Variants in NRG3 observed in about 807,000 individuals in gnomAD.
NRG3 encodes the protein neuregulin 3.
NRG3 carries 31 observed loss-of-function variants against 66.9 expected under a neutral mutation model. The observed-to-expected ratio is 0.46, with a 90% confidence interval of 0.35 to 0.63. NRG3 has a LOEUF of 0.63. Ranked by LOEUF, NRG3 falls within the 20% of genes least tolerant of loss-of-function variation. The pLI is 0.00. For synonymous variants in NRG3, 393 were observed against 359.4 expected (o/e 1.09, Z -1.06); for missense variants, 910 against 878.9 (o/e 1.04, Z -0.45).
chr10:82,815,677 G>A (rs768808201), intron 3 of NRG3, among the ~76,000 whole-genome samples: 3 of 152,038 alleles, frequency 2.0e-5, no homozygotes, highest in Non-Finnish European at 2.9e-5. Flanking sequence ...GTTCACAGAG[G>A]TTTCAGCTGG....
intron 1 of NRG3, among the ~76,000 whole-genome samples, chr10:81,997,318 T>C (rs1356309347): frequency 6.6e-6 from 1 of 152,216 alleles, no homozygotes; most frequent in Non-Finnish European, 1.5e-5. Flanking sequence ...GTGGGATTTC[T>C]GCCCTCCGTG....
At chr10:82,402,390 TG>T (rs1053753528) in intron 2 of NRG3, among the ~76,000 whole-genome samples, 1 of 152,048 alleles carries the variant, frequency 6.6e-6, no homozygotes, top group Non-Finnish European at 1.5e-5. Flanking sequence ...AGGTTGAGTT[TG>T]GGGGAAAAAA....
At chr10:82,515,830 C>G (rs1164546058) in intron 2 of NRG3, among the ~76,000 whole-genome samples, 1 of 152,176 alleles carries the variant, frequency 6.6e-6, no homozygotes, top group Non-Finnish European at 1.5e-5. Context: ...TCAGGGCCAA[C>G]TGTGCACCTT....
intron 1 of NRG3, among the ~76,000 whole-genome samples, chr10:82,202,496 CT>C (rs1441855546): frequency 6.6e-6 from 1 of 152,160 alleles, no homozygotes; most frequent in Non-Finnish European, 1.5e-5. Context: ...CTGTAGATAC[CT>C]TTTTACCTCC....
rs144066353 is a variant in NRG3 at position 82,144,392 on chromosome 10, C to G, written c.824-214347C>G. 5.9e-3 allele frequency among the ~76,000 whole-genome samples: 904 copies of G among 152,246 alleles called. 8 individuals carry two copies. Among genetic ancestry groups the G allele is most frequent in the African/African-American group, 0.02 (847 of 41,562 alleles). Reference sequence around the variant, plus strand: ...GCTCCTGCTCTCTCTTGTGCTCGCACGTCCCAGGAGTCCTGACCTGTGTAT... The same window carrying G: ...GCTCCTGCTCTCTCTTGTGCTCGCAGGTCCCAGGAGTCCTGACCTGTGTAT... On this transcript the variant is annotated intron_variant, in intron 1 of 8. Transcript: ENST00000372141.
intron 1 of NRG3, among the ~76,000 whole-genome samples, chr10:81,921,017 A>G (rs1846201977): frequency 6.6e-6 from 1 of 152,144 alleles, no homozygotes; most frequent in Non-Finnish European, 1.5e-5. Context: ...TTATGGTCAA[A>G]TGGTATTTAC....
intron 2 of NRG3, among the ~76,000 whole-genome samples, chr10:82,521,530 A>C (rs6584774): frequency 0.013 from 2,022 of 151,960 alleles, 45 homozygotes; most frequent in African/African-American, 0.046. Context: ...TTAGTAGAGA[A>C]GGGGTTTCAC....
rs1420707243 is a variant in NRG3, at chr10:81,875,958, G to A, written c.618G>A (p.Leu206=). ...CCCCGTTCTTCAGTAGCAGCACGCTGGGCTCCCGACCCCCGGTGCCAGGAA... is the reference window on the plus strand; with the variant it reads ...CCCCGTTCTTCAGTAGCAGCACGCTAGGCTCCCGACCCCCGGTGCCAGGAA... ...TTAPFFSSST[L]GSRPPVPGTP... Residue 206 remains leucine (L), a synonymous_variant, in exon 1 of 9, where the codon CTG becomes CTA. Transcript: ENST00000372141. The surrounding 1 kb of genome is among the most constrained non-coding windows in gnomAD (Gnocchi z 5.3). The A allele has an allele frequency of 6.2e-7, 1 of 1,613,750 alleles. No homozygotes were observed. Among genetic ancestry groups the A allele is most frequent in the Non-Finnish European group, 8.5e-7 (1 of 1,180,022 alleles).
chr10:82,239,576 T>A (rs755645519), intron 1 of NRG3, among the ~76,000 whole-genome samples: 1 of 152,232 alleles, frequency 6.6e-6, no homozygotes, highest in Non-Finnish European at 1.5e-5. Context: ...ATTAAGCATC[T>A]CTTTGTTTAC....
Position 82,950,185 on chromosome 10 carries a change from ATTGTTCT to A in NRG3, c.1055-1283_1055-1277del, listed in dbSNP as rs1270042574. The stretch of plus-strand genomic sequence containing the variant: ...TCCAGTGCATTACAATTTGAGAACT[ATTGTTCT>A]ATGTTAATGACACAGAGAGAGAATG... On this transcript the variant is annotated intron_variant, in intron 4 of 8. Coordinates refer to ENST00000372141, the MANE Select transcript of NRG3 (RefSeq NM_001010848.4). Among the ~76,000 whole-genome samples, 12 of 152,308 alleles carry A rather than the reference ATTGTTCT, an allele frequency of 7.9e-5. No homozygotes were observed. In the South Asian group the frequency reaches 1.2e-3, roughly 16 times the overall value.
chr10:82,044,339 C>T (rs1469110043), intron 1 of NRG3, among the ~76,000 whole-genome samples: 1 of 151,946 alleles, frequency 6.6e-6, no homozygotes, highest in Non-Finnish European at 1.5e-5. Flanking sequence ...GGACAGGATA[C>T]CCTTCCATCA....
chr10:82,772,901 C>T (rs1419859569), intron 3 of NRG3, among the ~76,000 whole-genome samples: 1 of 151,724 alleles, frequency 6.6e-6, no homozygotes, highest in Non-Finnish European at 1.5e-5. Context: ...GACAAGATCT[C>T]CCTATGTTGC....
At chr10:82,844,849 G>A (rs758890358) in intron 3 of NRG3, among the ~76,000 whole-genome samples, 81 of 152,162 alleles carry the variant, frequency 5.3e-4, no homozygotes, top group Non-Finnish European at 9.3e-4. Context: ...AAAAAAATAG[G>A]TTGGAAATTT....
At chr10:82,894,104 T>G (rs2131822259) in intron 4 of NRG3, among the ~76,000 whole-genome samples, 1 of 152,280 alleles carries the variant, frequency 6.6e-6, no homozygotes, top group Non-Finnish European at 1.5e-5. Flanking sequence ...ATCCCAAAAT[T>G]TATTTTAAAT....
chr10:81,976,140 G>C (rs996014520), intron 1 of NRG3, among the ~76,000 whole-genome samples: 6 of 152,116 alleles, frequency 3.9e-5, no homozygotes, highest in Non-Finnish European at 5.9e-5. Context: ...CCTTACATTA[G>C]TAATAGTAAA....
At chr10:82,104,056 A>T (rs1375563596) in intron 1 of NRG3, among the ~76,000 whole-genome samples, 1 of 151,944 alleles carries the variant, frequency 6.6e-6, no homozygotes, top group Non-Finnish European at 1.5e-5. Flanking sequence ...TAAGGAAATA[A>T]TTTAAAAAGT....
chr10:82,038,554 G>GT (rs1307390851), intron 1 of NRG3, among the ~76,000 whole-genome samples: 2 of 152,084 alleles, frequency 1.3e-5, no homozygotes, highest in African/African-American at 2.4e-5. Context: ...GTTTTGTTTT[G>GT]TTTTTTCTTC....
At chr10:82,189,958 G>A (rs944560481) in intron 1 of NRG3, among the ~76,000 whole-genome samples, 6 of 151,446 alleles carry the variant, frequency 4.0e-5, no homozygotes, top group South Asian at 4.2e-4. Context: ...GCGAGACCCC[G>A]CCTGAAAATA....
chr10:82,788,765 C>A (rs1243113844), intron 3 of NRG3, among the ~76,000 whole-genome samples: 1 of 151,538 alleles, frequency 6.6e-6, no homozygotes, highest in African/African-American at 2.4e-5. Context: ...AATGTTAATA[C>A]TCTGTCTCAA....
Sources: allele counts gnomAD v4.1 joint callset (sites outside exome capture counted in the v4.1 genomes callset), GRCh38; gene constraint gnomAD v4.1.1; non-coding constraint Gnocchi (gnomAD v3.1); transcripts MANE v1.5; gene names NCBI Gene and HGNC (gene_info 2026-07-23, HGNC 2026-07-21).